IQCM: variants seen among roughly 807,000 people sequenced by gnomAD.
The protein encoded by IQCM is IQ domain-containing protein M.
A neutral mutation model predicts 57.6 loss-of-function variants in IQCM; 45 were observed. The observed-to-expected ratio is 0.78, with a 90% CI of 0.62 to 1.00. IQCM has a LOEUF of 1.00. IQCM is among the 50% of genes least tolerant of loss of function. The pLI, the probability that IQCM is intolerant of heterozygous loss-of-function variation, is 0.00. For synonymous variants in IQCM, 148 were observed against 158.9 expected (o/e 0.93, Z 0.51); for missense variants, 468 against 511.6 (o/e 0.91, Z 0.82).
At chr4:149,451,699 T>A (rs139517241) in intron 12 of IQCM, among the ~76,000 whole-genome samples, 136 of 151,894 alleles carry the variant, frequency 9.0e-4, no homozygotes, top group African/African-American at 2.8e-3. Flanking sequence ...AATAGCTTTT[T>A]TCTCGTAAAT....
chr4:149,409,836 C>T (rs1733245352), intron 13 of IQCM, among the ~76,000 whole-genome samples: 1 of 152,170 alleles, frequency 6.6e-6, no homozygotes, highest in African/African-American at 2.4e-5. Context: ...TTGGTCTCTA[C>T]CTCTCCTGCC....
intron 13 of IQCM, among the ~76,000 whole-genome samples, chr4:149,400,956 G>A (rs901662918): frequency 1.3e-5 from 2 of 151,788 alleles, no homozygotes; most frequent in African/African-American, 4.8e-5. Flanking sequence ...ATACTTTGCT[G>A]TAGTACTTTT....
chr4:149,481,701 G>GTTTTTTTTTTTTGTTTTTTT (rs751057249), intron 12 of IQCM, among the ~76,000 whole-genome samples: 47 of 51,544 alleles, frequency 9.1e-4, no homozygotes, highest in Middle Eastern at 0.016. Context: ...TTCCAGTTTT[G>GTTTTTTTTTTTTGTTTTTTT]TTTTTTTTTT....
intron 13 of IQCM, among the ~76,000 whole-genome samples, chr4:149,392,429 T>C (rs1731928049): frequency 6.6e-6 from 1 of 152,044 alleles, no homozygotes; most frequent in Non-Finnish European, 1.5e-5. Flanking sequence ...TATAATGTTT[T>C]TGAAGGTTGC....
intron 5 of IQCM, among the ~76,000 whole-genome samples, chr4:149,695,046 C>A (rs1763238318): frequency 6.6e-6 from 1 of 152,158 alleles, no homozygotes; most frequent in African/African-American, 2.4e-5. Context: ...TTGCAATTTA[C>A]TGACATTTCA....
intron 13 of IQCM, among the ~76,000 whole-genome samples, chr4:149,409,164 G>T (rs181486105): frequency 6.6e-6 from 1 of 152,194 alleles, no homozygotes; most frequent in Non-Finnish European, 1.5e-5. Context: ...CAGTGAGTGA[G>T]AAGCCAGATC....
At chr4:149,427,377 A>G (rs990958021) in intron 13 of IQCM, among the ~76,000 whole-genome samples, 2 of 151,986 alleles carry the variant, frequency 1.3e-5, no homozygotes, top group Non-Finnish European at 2.9e-5. Context: ...TGAGTGGTGG[A>G]TTGTTGTAAA....
intron 12 of IQCM, among the ~76,000 whole-genome samples, chr4:149,461,900 A>C (rs561890859): frequency 1.5e-4 from 23 of 152,030 alleles, no homozygotes; most frequent in Admixed American, 1.5e-3. Context: ...CAACAGAAGA[A>C]ATTTTTATTA....
At chr4:149,552,778 T>G (rs984089321) in intron 11 of IQCM, among the ~76,000 whole-genome samples, 20 of 152,196 alleles carry the variant, frequency 1.3e-4, no homozygotes, top group Admixed American at 1.3e-4. Flanking sequence ...AAAGAGTCTT[T>G]AAGTGGTAGG....
chr4:149,693,199 T>G (rs897633186), intron 5 of IQCM, among the ~76,000 whole-genome samples: 6 of 152,176 alleles, frequency 3.9e-5, no homozygotes, highest in Non-Finnish European at 8.8e-5. Context: ...ATGGGCTCAT[T>G]TTGCTTTGAC....
intron 8 of IQCM, among the ~76,000 whole-genome samples, chr4:149,591,217 T>A (rs762223948): frequency 1.3e-5 from 2 of 152,106 alleles, no homozygotes; most frequent in Non-Finnish European, 2.9e-5. Flanking sequence ...AGCACCTGTA[T>A]AATTCATCAA....
At chr4:149,449,094 A>T (rs984664913) in intron 12 of IQCM, among the ~76,000 whole-genome samples, 1 of 151,334 alleles carries the variant, frequency 6.6e-6, no homozygotes, top group Non-Finnish European at 1.5e-5. Flanking sequence ...GAATTTAGCA[A>T]TATACAAAAT....
chr4:149,714,364 A>T (rs1764817737), intron 5 of IQCM, among the ~76,000 whole-genome samples: 1 of 152,152 alleles, frequency 6.6e-6, no homozygotes, highest in Admixed American at 6.5e-5. Context: ...TCCCATGATT[A>T]TATCATAGTC....
intron 13 of IQCM, among the ~76,000 whole-genome samples, chr4:149,406,834 T>C (rs1170162206): frequency 6.6e-6 from 1 of 152,206 alleles, no homozygotes; most frequent in Non-Finnish European, 1.5e-5. Flanking sequence ...ACGCTGCTGA[T>C]AAAGACATAC....
At chr4:149,791,413 T>C (rs530189781) in intron 2 of IQCM, among the ~76,000 whole-genome samples, 1 of 152,302 alleles carries the variant, frequency 6.6e-6, no homozygotes, top group East Asian at 1.9e-4. Flanking sequence ...GGATTTGTCA[T>C]TTCTTTTTGT....
At chr4:149,549,281 C>T (rs1204909899) in intron 11 of IQCM, among the ~76,000 whole-genome samples, 4 of 151,900 alleles carry the variant, frequency 2.6e-5, no homozygotes, top group East Asian at 1.9e-4. Flanking sequence ...TTTGGGAGGC[C>T]GAGGCGGGCG....
chr4:149,756,932 A>G (rs2149951489), intron 2 of IQCM, among the ~76,000 whole-genome samples: 1 of 152,338 alleles, frequency 6.6e-6, no homozygotes, highest in African/African-American at 2.4e-5. Flanking sequence ...GATAAACCAC[A>G]CAGTAATTTT....
intron 12 of IQCM, among the ~76,000 whole-genome samples, chr4:149,525,281 TA>T (rs1486702131): frequency 2.0e-5 from 3 of 151,916 alleles, no homozygotes; most frequent in Non-Finnish European, 2.9e-5. Context: ...ATTTTCACTA[TA>T]AAAAAGTATA....
At chr4:149,436,252 T>A (rs1735355890) in intron 12 of IQCM, among the ~76,000 whole-genome samples, 1 of 152,134 alleles carries the variant, frequency 6.6e-6, no homozygotes, top group Admixed American at 6.6e-5. Flanking sequence ...GTTACAATTA[T>A]TTACCTATAT....
Sources: allele counts gnomAD v4.1 joint callset (sites outside exome capture counted in the v4.1 genomes callset), GRCh38; gene constraint gnomAD v4.1.1; transcripts MANE v1.5; gene names NCBI Gene and HGNC (gene_info 2026-07-23, HGNC 2026-07-21).